Variants in GSE1 observed in about 807,000 individuals in gnomAD.
GSE1 encodes Gse1 coiled-coil protein, also known as genetic suppressor element 1.
A neutral mutation model predicts 112.6 loss-of-function variants in GSE1; 32 were observed. The observed-to-expected ratio is 0.28, with a 90% CI of 0.21 to 0.38. The LOEUF is 0.38. Ranked by LOEUF, GSE1 falls within the 10% of genes least tolerant of loss-of-function variation. The pLI is 1.00. For missense variants in GSE1, 2,348 were observed against 1,699.2 expected, an observed-to-expected ratio of 1.38 and a Z score of -6.71; for synonymous variants, 1,115 against 735.6, an observed-to-expected ratio of 1.52 and a Z score of -8.35.
At chr16:85,259,313 CT>C in intron 1 of GSE1, among the ~76,000 whole-genome samples, 1 of 151,974 alleles carries the variant, frequency 6.6e-6, no homozygotes, top group African/African-American at 2.4e-5. Context: ...CTGGCCCACC[CT>C]GTGCTCCACC....
intron 2 of GSE1, among the ~76,000 whole-genome samples, chr16:85,422,518 G>A (rs1023701114): frequency 3.9e-5 from 6 of 152,064 alleles, no homozygotes; most frequent in Admixed American, 1.3e-4. Flanking sequence ...AGCAGCGTGC[G>A]GGAGTCCCCT....
Position 85,427,039 on chromosome 16 carries a change from G to T in GSE1, c.2464+69396G>T, listed in dbSNP as rs545880604. Among the ~76,000 whole-genome samples, 69 of 152,266 alleles carry T rather than the reference G, an allele frequency of 4.5e-4. 1 individual carries two copies. The highest frequency in any genetic ancestry group is 3.4e-3 in the Middle Eastern group (1 of 294). ...GAGCTATGAGGCTGTCCCCGCTTCTGTCCCCACCTATGAGCCCAGACCTCA... is the reference window on the plus strand; with the variant it reads ...GAGCTATGAGGCTGTCCCCGCTTCTTTCCCCACCTATGAGCCCAGACCTCA... On this transcript the variant is annotated intron_variant, in intron 2 of 2. Transcript: ENST00000637419.
intron 2 of GSE1, among the ~76,000 whole-genome samples, chr16:85,500,800 CGAG>C (rs1226038973): frequency 6.6e-6 from 1 of 152,116 alleles, no homozygotes; most frequent in Non-Finnish European, 1.5e-5. Flanking sequence ...AGTCCCAGAT[CGAG>C]GTGTCTGCAG....
intron 2 of GSE1, among the ~76,000 whole-genome samples, chr16:85,383,673 C>G (rs972239702): frequency 1.3e-5 from 2 of 152,262 alleles, no homozygotes; most frequent in East Asian, 1.9e-4. Context: ...CTCTCATTGC[C>G]TCATGGGTGT....
chr16:85,521,529 C>T (rs1475132258), intron 2 of GSE1, among the ~76,000 whole-genome samples: 1 of 152,252 alleles, frequency 6.6e-6, no homozygotes. Context: ...TGCAGCAGTT[C>T]AGCTCTGGGC....
chr16:85,217,529 C>G (rs529412970), intron 1 of GSE1, among the ~76,000 whole-genome samples: 3 of 152,196 alleles, frequency 2.0e-5, no homozygotes, highest in African/African-American at 2.4e-5. Flanking sequence ...TCAGAGAGTG[C>G]GTGACTTTCC....
chr16:85,567,797 A>G (rs1473057440), intron 1 of GSE1, among the ~76,000 whole-genome samples: 4 of 152,186 alleles, frequency 2.6e-5, no homozygotes, highest in South Asian at 4.1e-4. Flanking sequence ...ATCTCAGCTC[A>G]CTGCAGCCTC....
At chr16:85,213,069 G>C (rs1404187857) in intron 1 of GSE1, among the ~76,000 whole-genome samples, 1 of 152,094 alleles carries the variant, frequency 6.6e-6, no homozygotes, top group Non-Finnish European at 1.5e-5. Context: ...AGGAGATCGA[G>C]ACCATCCTGG....
chr16:85,374,930 G>A (rs977700448), intron 2 of GSE1, among the ~76,000 whole-genome samples: 42 of 152,294 alleles, frequency 2.8e-4, no homozygotes, highest in African/African-American at 9.9e-4. Flanking sequence ...CTTTGGGGCC[G>A]AGGCCATCCC....
At chr16:85,504,117 A>T (rs1487162327) in intron 2 of GSE1, among the ~76,000 whole-genome samples, 1 of 152,180 alleles carries the variant, frequency 6.6e-6, no homozygotes, top group Non-Finnish European at 1.5e-5. Flanking sequence ...ACCAGCTGGT[A>T]GTGTTCTGCA....
intron 3 of GSE1, among the ~76,000 whole-genome samples, chr16:85,648,997 C>A (rs1346395545): frequency 6.6e-6 from 1 of 152,078 alleles, no homozygotes; most frequent in Non-Finnish European, 1.5e-5. Context: ...TGGGGGTGTC[C>A]CGTTATTTTC....
At chr16:85,170,365 G>C in exon 1 of GSE1, 12 of 985,474 alleles carry the variant, frequency 1.2e-5, no homozygotes, top group Non-Finnish European at 1.3e-5. Context: ...TCCCTGGCAA[G>C]GCCCTCTTGT....
At chr16:85,574,660 C>T (rs145964403) in intron 1 of GSE1, among the ~76,000 whole-genome samples, 6 of 152,394 alleles carry the variant, frequency 3.9e-5, no homozygotes, top group African/African-American at 1.4e-4. Flanking sequence ...TGCCAAGAGC[C>T]CAAGAAGGCG....
chr16:85,410,400 CT>C (rs1438682603), intron 2 of GSE1, among the ~76,000 whole-genome samples: 22 of 37,468 alleles, frequency 5.9e-4, no homozygotes, highest in Non-Finnish European at 9.0e-4. Context: ...TCAGGCCCCC[CT>C]GGATAATCCT....
upstream of GSE1, among the ~76,000 whole-genome samples, chr16:85,608,002 C>T (rs190563521): frequency 1.3e-5 from 2 of 152,194 alleles, no homozygotes; most frequent in Non-Finnish European, 2.9e-5. Flanking sequence ...TCCTCCCCCC[C>T]ATGATTTCAG....
intron 2 of GSE1, among the ~76,000 whole-genome samples, chr16:85,511,513 A>G (rs1298570824): frequency 6.8e-6 from 1 of 146,158 alleles, no homozygotes; most frequent in East Asian, 2.0e-4. Flanking sequence ...GGGCAACAAG[A>G]GCAAAACTCC....
Position 85,630,159 on chromosome 16 carries a change from C to T in GSE1, c.8-3755C>T, listed in dbSNP as rs575851225. Among the ~76,000 whole-genome samples the T allele has an allele frequency of 4.1e-4, 62 of 152,254 alleles. 1 individual carries two copies. Among genetic ancestry groups the T allele is most frequent in the Admixed American group, 3.3e-3 (50 of 15,294 alleles). On this transcript the variant is annotated intron_variant, in intron 1 of 15. Transcript: ENST00000253458. ...GACCTGCTTGAGCATCCTCATGATA[C>T]GGCAGCTGACCCCCCTCCACTGGAG...
chr16:85,582,602 C>T (rs1215610789), intron 1 of GSE1, among the ~76,000 whole-genome samples: 1 of 152,182 alleles, frequency 6.6e-6, no homozygotes, highest in African/African-American at 2.4e-5. Flanking sequence ...GCACTGGTGG[C>T]ATCCCCAGAG....
chr16:85,628,403 G>T (rs995341998), intron 1 of GSE1, among the ~76,000 whole-genome samples: 4 of 152,242 alleles, frequency 2.6e-5, no homozygotes, highest in African/African-American at 9.6e-5. Flanking sequence ...GGCCCATGGG[G>T]CCCGGGGAGC....
Sources: gnomAD v4.1 joint callset for allele counts (sites outside exome capture counted in the v4.1 genomes callset) on GRCh38, gnomAD v4.1.1 for gene constraint, MANE v1.5 for transcripts, NCBI Gene and HGNC (gene_info 2026-07-23, HGNC 2026-07-21) for gene names.